ZNF570: variants seen among roughly 807,000 people sequenced by gnomAD.
ZNF570 encodes the protein zinc finger protein 570.
Under a neutral mutation model 14.2 loss-of-function variants are expected in ZNF570, and 8 were observed. The ratio of observed to expected loss-of-function variants is 0.56; its 90% CI spans 0.33 to 1.02. The LOEUF (loss-of-function observed/expected upper bound fraction) is 1.02. Among genes scored for constraint, ZNF570 ranks in the 50% least tolerant of loss-of-function variants. ZNF570 has a pLI of 0.03. For missense variants in ZNF570, 559 were observed against 624.9 expected (o/e 0.89, Z 1.12); for synonymous variants, 202 against 207.6 (o/e 0.97, Z 0.23).
At chr19:37,475,762 TATG>T in intron 2 of ZNF570, 116 bp from the exon 3 acceptor site, 1 of 1,009,354 alleles carries the variant, frequency 9.9e-7, no homozygotes, top group Non-Finnish European at 1.4e-6. Flanking sequence ...TGAGTACAAA[TATG>T]ATAACATGGT....
chr19:37,470,056 T>C, intron 1 of ZNF570: 1 of 395,182 alleles, frequency 2.5e-6, no homozygotes, highest in Non-Finnish European at 4.6e-6. Flanking sequence ...TGTGTCTTTA[T>C]GTGAAAACTT....
upstream of ZNF570, chr19:37,469,339 G>A (rs1291354933): frequency 2.8e-6 from 4 of 1,417,316 alleles, no homozygotes; most frequent in Admixed American, 2.9e-5. Flanking sequence ...TCCTCCGGGG[G>A]CGGAGGCAGC....
chr19:37,468,176 T>C (rs1490347536), upstream of ZNF570: 2 of 546,942 alleles, frequency 3.7e-6, no homozygotes, highest in Admixed American at 3.4e-5. Context: ...AGCCTCGAAC[T>C]CCCGGGCTCA....
At chr19:37,468,026 C>A, upstream of ZNF570, 2 of 1,164,254 alleles carry the variant, frequency 1.7e-6, no homozygotes, top group Non-Finnish European at 1.2e-6. Context: ...GCCTTACTAG[C>A]TGTGTCATCT....
intron 2 of ZNF570, among the ~76,000 whole-genome samples, chr19:37,470,946 T>G (rs961199871): frequency 6.7e-6 from 1 of 149,098 alleles, no homozygotes; most frequent in African/African-American, 2.5e-5. Context: ...GTGATCCACC[T>G]GCCTCGGCCT....
upstream of ZNF570, chr19:37,467,966 C>A: frequency 6.5e-7 from 1 of 1,535,312 alleles, no homozygotes; most frequent in South Asian, 1.2e-5. Flanking sequence ...GACCCGGGAT[C>A]GTGAGCGAAA....
intron 4 of ZNF570, 165 bp downstream of exon 4, chr19:37,476,599 A>G (rs2042026952): frequency 5.9e-6 from 6 of 1,011,128 alleles, no homozygotes; most frequent in African/African-American, 1.6e-5. Context: ...GTTATTTTTA[A>G]TTATTTCCCT....
chr19:37,469,686 G>A, intron 1 of ZNF570, 129 bp downstream of exon 1: 1 of 988,604 alleles, frequency 1.0e-6, no homozygotes, highest in Non-Finnish European at 1.5e-6. Flanking sequence ...GCGACTGTTC[G>A]CTGCACCTTG....
chr19:37,468,272 A>G (rs567301105), upstream of ZNF570, among the ~76,000 whole-genome samples: 1 of 151,966 alleles, frequency 6.6e-6, no homozygotes, highest in Non-Finnish European at 1.5e-5. Flanking sequence ...GTTTGTTAGT[A>G]GAGATAAGGT....
upstream of ZNF570, chr19:37,469,235 G>C (rs527494489): frequency 2.2e-5 from 30 of 1,362,602 alleles, no homozygotes; most frequent in East Asian, 4.6e-4. Flanking sequence ...GAGCTGCACC[G>C]CTGCTGCCAG....
rs760686313 is a variant in ZNF570 at position 37,470,695 on chromosome 19, C to CTTTTTTTTTTTTT, written c.33+320_33+332dup. ...TGTGGTGAGTACATTCTTATTTATT[C>CTTTTTTTTTTTTT]TTTTTTTTTTTTTTTTTTTTTTTTG... On this transcript the variant is annotated intron_variant, in intron 2 of 4. Transcript: ENST00000330173. 5.1e-4 allele frequency among the ~76,000 whole-genome samples: 47 copies of CTTTTTTTTTTTTT among 92,980 alleles called. 1 individual carries two copies. The highest frequency in any genetic ancestry group is 1.3e-3 in the East Asian group (4 of 3,004). 61.0% of individuals were successfully genotyped at this position (92,980 alleles called of 152,430 possible). A position where few individuals can be genotyped will look rare whatever the true frequency, so the allele number is the denominator to read the frequency against.
At chr19:37,469,300 G>C, upstream of ZNF570, 1 of 1,416,312 alleles carries the variant, frequency 7.1e-7, no homozygotes, top group Non-Finnish European at 9.2e-7. Flanking sequence ...AGCGGACCCC[G>C]CGGGAGTTGG....
At position 37,487,620 on chromosome 19, in the gene ZNF570, C is replaced by T. The variant is rs1436699541; in HGVS notation, c.*2387C>T. On this transcript the variant is annotated 3_prime_UTR_variant, in exon 5 of 5. Transcript: ENST00000330173. ...AAGGAGCATTATATAGCCTAGACTG[C>T]AGAGACTCAATATAATAAAGTTGGC... is the stretch of plus-strand genomic sequence containing the variant. 6.6e-6 allele frequency: 1 copy of T among 152,178 alleles called. No homozygotes were observed. The highest frequency in any genetic ancestry group is 6.5e-5 in the Admixed American group (1 of 15,272). 9.4% of individuals were successfully genotyped at this position (152,178 alleles called of 1,614,324 possible).
chr19:37,470,707 T>TTTTTTTTTTTTTTTC (rs2041945855), intron 2 of ZNF570, among the ~76,000 whole-genome samples: 1 of 140,086 alleles, frequency 7.1e-6, no homozygotes, highest in Non-Finnish European at 1.5e-5. Context: ...TTTTTTTTTT[T>TTTTTTTTTTTTTTTC]TTTTTTTTTT....
At position 37,476,454 on chromosome 19, in the gene ZNF570, G is replaced by A; in HGVS notation, c.256+20G>A. The A allele has an allele frequency of 5.6e-6, 9 of 1,608,066 alleles. No individual in the cohort carries two copies. Among genetic ancestry groups the A allele is most frequent in the Non-Finnish European group, 7.6e-6 (9 of 1,177,180 alleles). ...GCTCAGGTTAGTGAAGAGGAAATTG[G>A]CAAAAATCTTTGCACGTGACAGCTC... On this transcript the variant is annotated intron_variant, in intron 4 of 4. Transcript: ENST00000330173.
At chr19:37,481,930 A>G (rs1057070781) in intron 4 of ZNF570, among the ~76,000 whole-genome samples, 3 of 152,142 alleles carry the variant, frequency 2.0e-5, no homozygotes, top group African/African-American at 7.2e-5. Context: ...TATTTCTACA[A>G]AATTGTAAGC....
intron 4 of ZNF570, among the ~76,000 whole-genome samples, chr19:37,479,820 A>G (rs913947462): frequency 1.3e-5 from 2 of 152,082 alleles, no homozygotes; most frequent in Admixed American, 6.6e-5. Context: ...TTTTGTTAAT[A>G]TTTACTTGAT....
intron 4 of ZNF570, 152 bp downstream of exon 4, chr19:37,476,586 T>C (rs1342639339): frequency 1.8e-6 from 2 of 1,130,052 alleles, no homozygotes; most frequent in African/African-American, 1.6e-5. Context: ...TTCTCCCACA[T>C]TTGTTATTTT....
At position 37,475,889 on chromosome 19, in the gene ZNF570, G is replaced by A. The variant is rs968049084; in HGVS notation, c.42G>A (p.Val14=). Residue 14 remains valine (V), a synonymous_variant, in exon 3 of 5, where the codon GTG becomes GTA. Coordinates refer to ENST00000330173, the MANE Select transcript of ZNF570 (RefSeq NM_144694.5). ...CATTTATTTCATTTCAGGAGTTGGT[G>A]ACCTTCAGAGATGTGGCTGTAGACT... ...GLLKAMYQEL[V]TFRDVAVDFS... 1.7e-5 allele frequency: 27 copies of A among 1,609,932 alleles called. No individual in the cohort carries two copies. The highest frequency in any genetic ancestry group is 2.3e-5 in the Non-Finnish European group (27 of 1,178,870).
Sources: allele counts gnomAD v4.1 joint callset (sites outside exome capture counted in the v4.1 genomes callset), GRCh38; gene constraint gnomAD v4.1.1; transcripts MANE v1.5; gene names NCBI Gene and HGNC (gene_info 2026-07-23, HGNC 2026-07-21).